Variants in KLHL29 observed in about 807,000 individuals in gnomAD.
KLHL29 encodes kelch like family member 29, also known as kelch-like protein 29.
Under a neutral mutation model 80.4 loss-of-function variants are expected in KLHL29, and 21 were observed. The observed-to-expected ratio is 0.26, with a 90% CI of 0.19 to 0.38. KLHL29 has a LOEUF of 0.38. Ranked by LOEUF, KLHL29 falls within the 10% of genes least tolerant of loss-of-function variation. KLHL29 has a pLI of 1.00. For synonymous variants in KLHL29, 511 were observed against 526.8 expected, an observed-to-expected ratio of 0.97 and a Z score of 0.41; for missense variants, 867 against 1,223.9, an observed-to-expected ratio of 0.71 and a Z score of 4.35.
intron 2 of KLHL29, among the ~76,000 whole-genome samples, chr2:23,476,872 G>A (rs1329275147): frequency 6.6e-6 from 1 of 152,226 alleles, no homozygotes; most frequent in Non-Finnish European, 1.5e-5. Flanking sequence ...CCGTGATCTG[G>A]GATCTGCTTT....
intron 5 of KLHL29, among the ~76,000 whole-genome samples, chr2:23,683,887 G>T (rs1469410372): frequency 6.6e-6 from 1 of 152,168 alleles, no homozygotes; most frequent in Non-Finnish European, 1.5e-5. Flanking sequence ...CCACGCCATG[G>T]CTGTGAGTGT....
chr2:23,537,884 T>C lies in KLHL29; in HGVS notation c.-45-24268T>C, dbSNP rs138253629. Reference sequence around the variant, plus strand: ...GAGGCTTTGGAATGTGTCCAAAGGGTGGCAGGATTCATGCCACAGCCTTCA... The same window carrying C: ...GAGGCTTTGGAATGTGTCCAAAGGGCGGCAGGATTCATGCCACAGCCTTCA... On this transcript the variant is annotated intron_variant, in intron 2 of 13. Coordinates refer to ENST00000486442, the MANE Select transcript of KLHL29 (RefSeq NM_052920.2). 6.2e-3 allele frequency among the ~76,000 whole-genome samples: 950 copies of C among 152,158 alleles called. 14 individuals carry two copies. The highest frequency in any genetic ancestry group is 0.022 in the African/African-American group (914 of 41,514).
At chr2:23,440,447 G>A (rs188368348) in intron 1 of KLHL29, among the ~76,000 whole-genome samples, 1 of 152,130 alleles carries the variant, frequency 6.6e-6, no homozygotes, top group African/African-American at 2.4e-5. Flanking sequence ...AACACCAAAA[G>A]CAATAGCAAC....
chr2:23,528,675 TG>T (rs2103475982), intron 2 of KLHL29, among the ~76,000 whole-genome samples: 1 of 152,348 alleles, frequency 6.6e-6, no homozygotes, highest in South Asian at 2.1e-4. Context: ...AAACTAATAA[TG>T]TCACGCTGTT....
At chr2:23,614,755 T>A (rs939391755) in intron 3 of KLHL29, among the ~76,000 whole-genome samples, 3 of 151,838 alleles carry the variant, frequency 2.0e-5, no homozygotes, top group Non-Finnish European at 4.4e-5. Context: ...AGAAAGGAGG[T>A]CACTCGGGTC....
At chr2:23,411,545 A>G (rs1290956914) in intron 1 of KLHL29, among the ~76,000 whole-genome samples, 1 of 151,664 alleles carries the variant, frequency 6.6e-6, no homozygotes, top group Non-Finnish European at 1.5e-5. Context: ...TCGAGAAGAG[A>G]GTTGTGAGGT....
chr2:23,654,180 A>T (rs888095005), intron 5 of KLHL29, among the ~76,000 whole-genome samples: 16 of 125,436 alleles, frequency 1.3e-4, no homozygotes, highest in East Asian at 6.0e-4. Context: ...AAATAAATTT[A>T]AAAAAAAAAA....
At chr2:23,578,959 G>A (rs1667913130) in intron 3 of KLHL29, among the ~76,000 whole-genome samples, 1 of 152,212 alleles carries the variant, frequency 6.6e-6, no homozygotes, top group Non-Finnish European at 1.5e-5. Flanking sequence ...CAGAGCACTT[G>A]CTGTGCCTCC....
chr2:23,641,643 C>A (rs560867753), intron 4 of KLHL29, among the ~76,000 whole-genome samples: 1 of 152,332 alleles, frequency 6.6e-6, no homozygotes, highest in African/African-American at 2.4e-5. Context: ...TGGTAGTCCC[C>A]TGAGGTAGGA....
intron 2 of KLHL29, among the ~76,000 whole-genome samples, chr2:23,483,188 C>T (rs547182796): frequency 1.3e-5 from 2 of 152,216 alleles, no homozygotes; most frequent in South Asian, 4.1e-4. Context: ...AGAGCACACA[C>T]TTGAGGGGGT....
intron 1 of KLHL29, among the ~76,000 whole-genome samples, chr2:23,407,557 G>A (rs971677488): frequency 2.6e-5 from 4 of 151,466 alleles, no homozygotes; most frequent in African/African-American, 9.7e-5. Flanking sequence ...TTTGTCATTT[G>A]AATTCTAAAT....
chr2:23,475,161 TC>T (rs1312494362), intron 1 of KLHL29, among the ~76,000 whole-genome samples: 2 of 152,178 alleles, frequency 1.3e-5, no homozygotes, highest in African/African-American at 2.4e-5. Flanking sequence ...GTTTTCTTTT[TC>T]CCCATTGCTG....
rs572052827 is a variant in KLHL29, at chr2:23,481,190, G to C, written c.-46+5523G>C. ...TCTGGATTTTTGTAAAGCTCCCCAG[G>C]TGGTTCTGATGGGTGTGGCCAAGGT... On this transcript the variant is annotated intron_variant, in intron 2 of 13. Transcript: ENST00000486442. Among the ~76,000 whole-genome samples, 11 of 152,340 alleles carry C rather than the reference G, an allele frequency of 7.2e-5. No individual in the cohort carries two copies. The East Asian group carries it at 1.7e-3, about 24-fold the overall frequency.
rs1344051094 is a variant in KLHL29 at position 23,700,379 on chromosome 2, C to T, written c.2106-2807C>T. 6.6e-6 allele frequency among the ~76,000 whole-genome samples: 1 copy of T among 152,240 alleles called. No homozygotes were observed. Among genetic ancestry groups the T allele is most frequent in the Middle Eastern group, 3.4e-3 (1 of 294 alleles). On this transcript the variant is annotated intron_variant, in intron 11 of 13. Coordinates refer to ENST00000486442, the MANE Select transcript of KLHL29 (RefSeq NM_052920.2). This position sits in a 1 kb window ranked among gnomAD's most constrained non-coding sequence, Gnocchi z 4.6. ...AATCCATACTCAAAATTCATCACTTCCTAATTTTTTACTACATGTTACTAC... is the reference window on the plus strand; with the variant it reads ...AATCCATACTCAAAATTCATCACTTTCTAATTTTTTACTACATGTTACTAC...
intron 1 of KLHL29, among the ~76,000 whole-genome samples, chr2:23,421,699 G>A (rs557846672): frequency 3.7e-4 from 56 of 150,512 alleles, no homozygotes; most frequent in Non-Finnish European, 7.2e-4. Flanking sequence ...GACTGTGTAT[G>A]TGTGACTGTG....
intron 1 of KLHL29, among the ~76,000 whole-genome samples, chr2:23,455,605 A>ATTTTTT (rs397873479): frequency 2.8e-5 from 3 of 105,996 alleles, no homozygotes; most frequent in Non-Finnish European, 5.6e-5. Flanking sequence ...TGGTCTCCTG[A>ATTTTTT]TTTTTTTTTT....
intron 1 of KLHL29, among the ~76,000 whole-genome samples, chr2:23,474,503 T>C (rs1389950860): frequency 6.6e-6 from 1 of 152,236 alleles, no homozygotes; most frequent in East Asian, 1.9e-4. Context: ...TTGGCTGATT[T>C]TGCTTCCCCG....
intron 5 of KLHL29, chr2:23,667,468 T>A (rs1381756590): frequency 6.6e-6 from 1 of 152,254 alleles, no homozygotes; most frequent in African/African-American, 2.4e-5. Context: ...AGGACAGGCC[T>A]ATGGCAGATG....
intron 1 of KLHL29, among the ~76,000 whole-genome samples, chr2:23,446,082 G>A (rs1025089286): frequency 2.0e-5 from 3 of 151,686 alleles, no homozygotes; most frequent in Admixed American, 6.6e-5. Context: ...TATCAGTCTT[G>A]TATTTCAAAT....
Sources: gnomAD v4.1 joint callset for allele counts (sites outside exome capture counted in the v4.1 genomes callset) on GRCh38, gnomAD v4.1.1 for gene constraint, Gnocchi (gnomAD v3.1) non-coding constraint, MANE v1.5 for transcripts, NCBI Gene and HGNC (gene_info 2026-07-23, HGNC 2026-07-21) for gene names.